Variants in SMYD5 observed in about 807,000 individuals in gnomAD.
SMYD5 encodes the protein SMYD family member 5.
Under a neutral mutation model 57.4 loss-of-function variants are expected in SMYD5, and 35 were observed. The ratio of observed to expected loss-of-function variants is 0.61; its 90% confidence interval spans 0.47 to 0.81. SMYD5 has a LOEUF of 0.81. Ranked by LOEUF, SMYD5 falls within the 30% of genes least tolerant of loss-of-function variation. The pLI, the probability that SMYD5 is intolerant of heterozygous loss-of-function variation, is 0.00. For missense variants in SMYD5, 471 were observed against 527.9 expected (o/e 0.89, Z 1.06); for synonymous variants, 198 against 189.7 (o/e 1.04, Z -0.36).
intron 1 of SMYD5, among the ~76,000 whole-genome samples, chr2:73,216,533 C>T (rs1371350825): frequency 3.3e-5 from 5 of 152,056 alleles, no homozygotes; most frequent in Non-Finnish European, 7.4e-5. Flanking sequence ...CCCATCTGTA[C>T]TAAAAATACA....
intron 1 of SMYD5, 192 bp downstream of exon 1, chr2:73,214,554 G>T (rs1686256102): frequency 2.0e-6 from 3 of 1,484,460 alleles, no homozygotes. Flanking sequence ...CGATAGACCC[G>T]GGCCTCCGGA....
intron 1 of SMYD5, 92 bp downstream of exon 1, chr2:73,214,454 C>T: frequency 6.3e-7 from 1 of 1,590,176 alleles, no homozygotes. Flanking sequence ...CCAGAGGCTT[C>T]TGTGCCGCTC....
In SMYD5 at chr2:73,223,117, T is replaced by C; in HGVS notation, c.776+11T>C. The C allele has an allele frequency of 6.2e-7, 1 of 1,611,398 alleles. No individual in the cohort carries two copies. Among genetic ancestry groups the C allele is most frequent in the Non-Finnish European group, 8.5e-7 (1 of 1,177,470 alleles). On this transcript the variant is annotated intron_variant, in intron 8 of 12. Coordinates refer to ENST00000389501, the MANE Select transcript of SMYD5 (RefSeq NM_006062.3). ...AGGAATCGGGACCAGGTTAGAATGT[T>C]CCAGAGCTATTGAAGTTACTCTCAG... is the stretch of plus-strand genomic sequence containing the variant.
intron 5 of SMYD5, among the ~76,000 whole-genome samples, chr2:73,221,544 C>T (rs6707692): frequency 7.3e-4 from 111 of 151,900 alleles, no homozygotes; most frequent in African/African-American, 2.4e-3. Context: ...TTATAAGCAC[C>T]GCTTTTTCAG....
intron 2 of SMYD5, 178 bp from the exon 3 acceptor site, chr2:73,219,873 T>C: frequency 1.3e-6 from 1 of 792,674 alleles, no homozygotes; most frequent in Non-Finnish European, 2.2e-6. Flanking sequence ...GGGATGCACA[T>C]GAAATAAATT....
At chr2:73,219,889 A>G (rs1037973104) in intron 2 of SMYD5, 162 bp from the exon 3 acceptor site, 15 of 851,448 alleles carry the variant, frequency 1.8e-5, no homozygotes, top group Admixed American at 1.6e-4. Flanking sequence ...AAATTCATTC[A>G]TCCATTCATC....
At chr2:73,214,448 A>C in intron 1 of SMYD5, 86 bp downstream of exon 1, 1 of 1,601,298 alleles carries the variant, frequency 6.2e-7, no homozygotes, top group Non-Finnish European at 8.5e-7. Context: ...CGGAGCCCAG[A>C]GGCTTCTGTG....
chr2:73,219,841 G>T, intron 2 of SMYD5: 1 of 672,584 alleles, frequency 1.5e-6, no homozygotes. Flanking sequence ...TCCTTGAGAG[G>T]GAGGAGGGGA....
Position 73,214,266 on chromosome 2 carries a change from G to T in SMYD5, c.-1G>T. 4 of 1,613,790 alleles carry T rather than the reference G, an allele frequency of 2.5e-6. No individual in the cohort carries two copies. The highest frequency in any genetic ancestry group is 3.4e-6 in the Non-Finnish European group (4 of 1,179,818). On this transcript the variant is annotated 5_prime_UTR_variant, in exon 1 of 13. Coordinates refer to ENST00000389501, the MANE Select transcript of SMYD5 (RefSeq NM_006062.3). Reference sequence around the variant, plus strand: ...GGTCATAAGGCGGAGGCGCGCCCAAGATGGCGGCCTCCATGTGCGACGTGT... The same window carrying T: ...GGTCATAAGGCGGAGGCGCGCCCAATATGGCGGCCTCCATGTGCGACGTGT...
In SMYD5 at chr2:73,225,895, GGAA is replaced by G. The variant is rs757115976; in HGVS notation, c.1208_1210del (p.Glu403del). 12 of 1,614,068 alleles carry G rather than the reference GGAA, an allele frequency of 7.4e-6. No individual in the cohort carries two copies. Among genetic ancestry groups the G allele is most frequent in the Admixed American group, 1.7e-5 (1 of 60,014 alleles). On this transcript the variant is annotated inframe_deletion, in exon 13 of 13. Coordinates refer to ENST00000389501, the MANE Select transcript of SMYD5 (RefSeq NM_006062.3). ...AGGAAGAGGAAGAGGAGGAGGAGGA[GGAA>G]GGAGAGCCAGAAGATGCAGAGCTGG...
intron 3 of SMYD5, among the ~76,000 whole-genome samples, 182 bp downstream of exon 3, chr2:73,220,372 A>G (rs1686362008): frequency 6.6e-6 from 1 of 151,854 alleles, no homozygotes; most frequent in South Asian, 2.1e-4. Flanking sequence ...GCACAGTTAC[A>G]TTGTCTGGAA....
chr2:73,218,544 A>C (rs890284840), intron 1 of SMYD5, among the ~76,000 whole-genome samples: 1 of 152,242 alleles, frequency 6.6e-6, no homozygotes, highest in African/African-American at 2.4e-5. Flanking sequence ...CCAGCCTGCT[A>C]TAAGCCTTGG....
intron 6 of SMYD5, among the ~76,000 whole-genome samples, chr2:73,222,292 C>T (rs1413845387): frequency 1.3e-5 from 2 of 152,224 alleles, no homozygotes; most frequent in African/African-American, 2.4e-5. Flanking sequence ...CCTGAGAACC[C>T]GTTCCCAATC....
At chr2:73,223,006 T>G (rs1180905898) in intron 7 of SMYD5, 30 bp from the exon 8 acceptor site, 1 of 1,599,600 alleles carries the variant, frequency 6.3e-7, no homozygotes, top group Admixed American at 1.7e-5. Flanking sequence ...GTGGCTGTAA[T>G]GAGCACTCAT....
chr2:73,223,127 T>C (rs753281115), intron 8 of SMYD5, 21 bp downstream of exon 8: 47 of 1,603,788 alleles, frequency 2.9e-5, no homozygotes, highest in Middle Eastern at 1.6e-4. Flanking sequence ...TCCAGAGCTA[T>C]TGAAGTTACT....
chr2:73,224,783 A>C (rs1686466907), intron 10 of SMYD5, 83 bp from the exon 11 acceptor site: 3 of 1,094,464 alleles, frequency 2.7e-6, no homozygotes, highest in Non-Finnish European at 2.7e-6. Context: ...ATGAACGAGC[A>C]AGAAAGGACC....
chr2:73,225,743 C>T (rs1487573731), intron 12 of SMYD5, 42 bp downstream of exon 12: 5 of 1,613,266 alleles, frequency 3.1e-6, no homozygotes, highest in Non-Finnish European at 3.4e-6. Context: ...GCTCTGGGGT[C>T]CTCTACCCAT....
chr2:73,220,984 C>A (rs1294228788), intron 4 of SMYD5, among the ~76,000 whole-genome samples, 181 bp from the exon 5 acceptor site: 1 of 152,152 alleles, frequency 6.6e-6, no homozygotes, highest in Non-Finnish European at 1.5e-5. Context: ...TTAACGCTCT[C>A]CCAGAAAGAG....
At position 73,217,025 on chromosome 2, in the gene SMYD5, C is replaced by T. The variant is rs1484646361; in HGVS notation, c.97-1836C>T. Among the ~76,000 whole-genome samples, 3 of 151,494 alleles carry T rather than the reference C, an allele frequency of 2.0e-5. No individual in the cohort carries two copies. The South Asian group carries it at 6.2e-4, about 32-fold the overall frequency. On this transcript the variant is annotated intron_variant, in intron 1 of 12. Coordinates refer to ENST00000389501, the MANE Select transcript of SMYD5 (RefSeq NM_006062.3). Reference sequence around the variant, plus strand: ...ATAGTGCAGTAGTACAATCTTGGCTCACTGCAACCTCCGCCTCCTGGGTTC... The same window carrying T: ...ATAGTGCAGTAGTACAATCTTGGCTTACTGCAACCTCCGCCTCCTGGGTTC...
Sources: gnomAD v4.1 joint callset for allele counts (sites outside exome capture counted in the v4.1 genomes callset) on GRCh38, gnomAD v4.1.1 for gene constraint, MANE v1.5 for transcripts, NCBI Gene and HGNC (gene_info 2026-07-23, HGNC 2026-07-21) for gene names.